The following ESR2 variants were observed in gnomAD, a reference collection of about 807,000 sequenced individuals.
ESR2 encodes the protein estrogen receptor beta.
A neutral mutation model predicts 49.6 loss-of-function variants in ESR2; 36 were observed. The ratio of observed to expected loss-of-function variants is 0.73; its 90% CI spans 0.56 to 0.96. The LOEUF (loss-of-function observed/expected upper bound fraction) is 0.96, where lower values mean the gene tolerates loss of function less well. Ranked by LOEUF, ESR2 falls within the 40% of genes least tolerant of loss-of-function variation. The pLI is 0.00. For missense variants in ESR2, 714 were observed against 693.0 expected (o/e 1.03, Z -0.34); for synonymous variants, 320 against 266.1 (o/e 1.20, Z -1.97).
At chr14:64,282,486 G>A in intron 2 of ESR2, 138 bp downstream of exon 2, 1 of 852,932 alleles carries the variant, frequency 1.2e-6, no homozygotes, top group South Asian at 1.8e-5. Flanking sequence ...AGGGCATCCT[G>A]TGTTTTGGGT....
intron 3 of ESR2, among the ~76,000 whole-genome samples, chr14:64,274,444 A>T (rs1016452297): frequency 2.0e-5 from 3 of 152,112 alleles, no homozygotes; most frequent in Non-Finnish European, 4.4e-5. Flanking sequence ...CTGCGGTATC[A>T]GTTGTAACAT....
chr14:64,283,835 A>T (rs1430238982), intron 1 of ESR2, among the ~76,000 whole-genome samples: 1 of 151,422 alleles, frequency 6.6e-6, no homozygotes, highest in Non-Finnish European at 1.5e-5. Flanking sequence ...TGAATCTCCA[A>T]TAATAAAAAA....
chr14:64,265,929 C>G (rs767566901), intron 4 of ESR2, among the ~76,000 whole-genome samples: 2 of 152,064 alleles, frequency 1.3e-5, no homozygotes, highest in Non-Finnish European at 2.9e-5. Context: ...TTGGGGAAGG[C>G]AGATAAGAAG....
intron 1 of ESR2, among the ~76,000 whole-genome samples, chr14:64,300,727 G>A (rs1318117235): frequency 6.6e-6 from 1 of 152,082 alleles, no homozygotes; most frequent in Non-Finnish European, 1.5e-5. Context: ...CTGCACTTCA[G>A]CCTGGGTGAT....
At chr14:64,316,001 A>G (rs2077250579) in intron 1 of ESR2, among the ~76,000 whole-genome samples, 1 of 150,958 alleles carries the variant, frequency 6.6e-6, no homozygotes, top group Non-Finnish European at 1.5e-5. Flanking sequence ...GATTGAATTT[A>G]TAATTTATTT....
At chr14:64,289,574 C>T (rs577373004) in intron 1 of ESR2, among the ~76,000 whole-genome samples, 1 of 151,768 alleles carries the variant, frequency 6.6e-6, no homozygotes, top group East Asian at 1.9e-4. Context: ...GGTATTATTA[C>T]ACATCCAAGA....
At chr14:64,289,548 A>G (rs1319885801) in intron 1 of ESR2, among the ~76,000 whole-genome samples, 3 of 152,114 alleles carry the variant, frequency 2.0e-5, no homozygotes, top group Non-Finnish European at 4.4e-5. Flanking sequence ...AAAAAAAAAA[A>G]GAAAGCATTC....
chr14:64,324,651 C>T (rs2077367609), intron 1 of ESR2, among the ~76,000 whole-genome samples: 1 of 152,122 alleles, frequency 6.6e-6, no homozygotes, highest in Non-Finnish European at 1.5e-5. Flanking sequence ...TACAGCTGTT[C>T]CATTTGCTGA....
chr14:64,272,174 T>C (rs1770145317), intron 3 of ESR2, among the ~76,000 whole-genome samples: 2 of 152,274 alleles, frequency 1.3e-5, no homozygotes, highest in African/African-American at 2.4e-5. Context: ...CCTTTTCATA[T>C]ACCCATTTGC....
At chr14:64,288,124 A>G (rs2076810995) in intron 1 of ESR2, among the ~76,000 whole-genome samples, 1 of 151,976 alleles carries the variant, frequency 6.6e-6, no homozygotes, top group South Asian at 2.1e-4. Context: ...CCCAGCACAC[A>G]CCCCTGTATT....
downstream of ESR2, chr14:64,227,560 A>G (rs1260194603): frequency 7.4e-6 from 12 of 1,614,104 alleles, no homozygotes; most frequent in Non-Finnish European, 1.0e-5. Flanking sequence ...CTTCAGGCAA[A>G]AGAGTCTCCA....
intron 2 of ESR2, among the ~76,000 whole-genome samples, chr14:64,280,636 C>G (rs955771346): frequency 6.6e-6 from 1 of 152,180 alleles, no homozygotes; most frequent in Non-Finnish European, 1.5e-5. Flanking sequence ...GCTAAGCAGC[C>G]CTTCAGACAT....
chr14:64,310,228 G>A (rs1358736958), intron 1 of ESR2, among the ~76,000 whole-genome samples: 7 of 151,010 alleles, frequency 4.6e-5, no homozygotes, highest in Admixed American at 4.0e-4. Flanking sequence ...AGCCAAGATC[G>A]CGCCACTGCA....
At chr14:64,265,923 G>C (rs950447096) in intron 4 of ESR2, among the ~76,000 whole-genome samples, 6 of 152,166 alleles carry the variant, frequency 3.9e-5, no homozygotes, top group African/African-American at 1.2e-4. Context: ...AGGGTTTTGG[G>C]GAAGGCAGAT....
Position 64,283,049 on chromosome 14 carries a change from T to G in ESR2, c.-64A>C. ...AGGCACAAAGGTCATTATAATGTTC[T>G]CAAAGATTCGTGGGCAAGTATAATG... On this transcript the variant is annotated 5_prime_UTR_variant, in exon 2 of 9. Transcript: ENST00000341099. The G allele has an allele frequency of 6.6e-7, 1 of 1,516,112 alleles. No individual in the cohort carries two copies. The highest frequency in any genetic ancestry group is 1.3e-5 in the South Asian group (1 of 75,356). 93.9% of individuals were successfully genotyped at this position (1,516,112 alleles called of 1,614,324 possible).
At chr14:64,277,284 C>T (rs562171310) in intron 3 of ESR2, among the ~76,000 whole-genome samples, 31 of 152,148 alleles carry the variant, frequency 2.0e-4, no homozygotes, top group Admixed American at 3.9e-4. Flanking sequence ...AAGATATGGT[C>T]AATTAGCTTA....
At chr14:64,290,498 G>C (rs1038539044) in intron 1 of ESR2, among the ~76,000 whole-genome samples, 35 of 152,156 alleles carry the variant, frequency 2.3e-4, no homozygotes, top group African/African-American at 8.2e-4. Flanking sequence ...GGCCTCCCAG[G>C]TTCAAGCAAT....
At chr14:64,334,040 G>A (rs566711318) in intron 1 of ESR2, among the ~76,000 whole-genome samples, 82 of 152,028 alleles carry the variant, frequency 5.4e-4, no homozygotes, top group Non-Finnish European at 7.1e-4. Flanking sequence ...ATATAGCTTG[G>A]AATACCGTAT....
At chr14:64,248,214 A>G (rs966046949) in intron 7 of ESR2, among the ~76,000 whole-genome samples, 1 of 152,022 alleles carries the variant, frequency 6.6e-6, no homozygotes, top group Admixed American at 6.5e-5. Flanking sequence ...GTGAAAAAAC[A>G]AGATACAGAC....
Sources: allele counts gnomAD v4.1 joint callset (sites outside exome capture counted in the v4.1 genomes callset), GRCh38; gene constraint gnomAD v4.1.1; transcripts MANE v1.5; gene names NCBI Gene and HGNC (gene_info 2026-07-23, HGNC 2026-07-21).